EBF1: variants seen among roughly 807,000 people sequenced by gnomAD.
EBF1 encodes transcription factor COE1.
Under a neutral mutation model 68.4 loss-of-function variants are expected in EBF1, and 10 were observed. That is an observed-to-expected ratio of 0.15 (90% CI 0.09 to 0.25). The LOEUF is 0.25. Among genes scored for constraint, EBF1 ranks in the 10% least tolerant of loss-of-function variants. EBF1 has a pLI of 1.00. For missense variants in EBF1, 509 were observed against 794.4 expected, an observed-to-expected ratio of 0.64 and a Z score of 4.32; for synonymous variants, 298 against 299.8, an observed-to-expected ratio of 0.99 and a Z score of 0.06.
At chr5:158,742,880 G>T (rs1414542605) in intron 10 of EBF1, among the ~76,000 whole-genome samples, 1 of 152,152 alleles carries the variant, frequency 6.6e-6, no homozygotes, top group Non-Finnish European at 1.5e-5. Context: ...AATTAAGACA[G>T]GATTCATTTC....
At chr5:158,732,710 CT>C (rs1364010251) in intron 10 of EBF1, among the ~76,000 whole-genome samples, 1 of 152,064 alleles carries the variant, frequency 6.6e-6, no homozygotes, top group Non-Finnish European at 1.5e-5. Context: ...AGAGTAAGTA[CT>C]TTTTCTTCAC....
intron 9 of EBF1, among the ~76,000 whole-genome samples, chr5:158,791,281 T>C (rs1401973679): frequency 1.4e-5 from 2 of 139,978 alleles, no homozygotes; most frequent in African/African-American, 2.7e-5. Context: ...ACCATGCCAC[T>C]GCACTCCAGC....
intron 10 of EBF1, among the ~76,000 whole-genome samples, chr5:158,754,052 T>C (rs1228360864): frequency 6.6e-6 from 1 of 152,104 alleles, no homozygotes; most frequent in Non-Finnish European, 1.5e-5. Flanking sequence ...GAGGCTGGCT[T>C]ATGAAGGTCC....
At chr5:158,707,661 G>A (rs772013284) in intron 15 of EBF1, 57 of 341,870 alleles carry the variant, frequency 1.7e-4, no homozygotes, top group Non-Finnish European at 2.8e-4. Context: ...CACAAGGAGT[G>A]AAAGAGGAGA....
chr5:158,869,599 A>T (rs1401591121), intron 6 of EBF1, among the ~76,000 whole-genome samples: 1 of 151,522 alleles, frequency 6.6e-6, no homozygotes, highest in East Asian at 1.9e-4. Flanking sequence ...ACACACACAC[A>T]CACACACACA....
At chr5:158,871,796 T>C (rs1796916317) in intron 6 of EBF1, among the ~76,000 whole-genome samples, 1 of 152,194 alleles carries the variant, frequency 6.6e-6, no homozygotes, top group Admixed American at 6.5e-5. Flanking sequence ...GCCACAACCT[T>C]CCTCAGACCT....
intron 4 of EBF1, 61 bp from the exon 5 acceptor site, chr5:159,084,800 ATC>A: frequency 7.2e-7 from 1 of 1,388,936 alleles, no homozygotes; most frequent in Non-Finnish European, 9.7e-7. Flanking sequence ...AAAAAAAAAA[ATC>A]ACAATTGAGT....
chr5:158,892,897 TTTTAC>T (rs1801455499), intron 6 of EBF1, among the ~76,000 whole-genome samples: 1 of 136,336 alleles, frequency 7.3e-6, no homozygotes, highest in Admixed American at 7.4e-5. Flanking sequence ...GAAGCGCCCC[TTTTAC>T]TTTGATTTTT....
At chr5:158,781,063 G>A (rs1776365172) in intron 9 of EBF1, among the ~76,000 whole-genome samples, 1 of 152,146 alleles carries the variant, frequency 6.6e-6, no homozygotes, top group Admixed American at 6.5e-5. Context: ...ATTTTCTTAT[G>A]AGACAATAAT....
intron 10 of EBF1, among the ~76,000 whole-genome samples, chr5:158,769,033 C>T (rs879502543): frequency 3.9e-5 from 6 of 152,118 alleles, no homozygotes; most frequent in Non-Finnish European, 7.4e-5. Context: ...GCTTTCTAAT[C>T]CCTTACCAGA....
chr5:158,926,268 A>G (rs1017004276), intron 6 of EBF1, among the ~76,000 whole-genome samples: 13 of 152,208 alleles, frequency 8.5e-5, no homozygotes, highest in African/African-American at 2.9e-4. Context: ...AGCAAATGAT[A>G]GCGCATTTGT....
chr5:158,775,793 C>G (rs868316868), intron 10 of EBF1, among the ~76,000 whole-genome samples: 2,135 of 137,418 alleles, frequency 0.016, 50 homozygotes, highest in African/African-American at 0.059. Flanking sequence ...GACACACACA[C>G]ACACACACAC....
intron 11 of EBF1, among the ~76,000 whole-genome samples, chr5:158,725,155 T>C (rs1762738405): frequency 6.6e-6 from 1 of 152,184 alleles, no homozygotes. Flanking sequence ...GCTACCTCTG[T>C]ATTTCCAAGG....
chr5:159,092,639 A>C lies in EBF1; in HGVS notation c.411+2981T>G, dbSNP rs1407418897. 2.6e-5 allele frequency among the ~76,000 whole-genome samples: 4 copies of C among 152,210 alleles called. No homozygotes were observed. The East Asian group carries it at 7.7e-4, about 29-fold the overall frequency. ...AAATGTAGAATGCAAAAATAGTTTT[A>C]AATTTTGCTTGTCCAAAATTCCTTT... On this transcript the variant is annotated intron_variant, in intron 4 of 15. Transcript: ENST00000313708.
intron 6 of EBF1, among the ~76,000 whole-genome samples, chr5:158,893,307 T>A (rs1801548634): frequency 6.6e-6 from 1 of 152,218 alleles, no homozygotes; most frequent in South Asian, 2.1e-4. Flanking sequence ...ATGGCTGGGA[T>A]TAGGAGTTAA....
intron 8 of EBF1, among the ~76,000 whole-genome samples, chr5:158,815,426 A>T (rs1783518135): frequency 6.6e-6 from 1 of 152,184 alleles, no homozygotes; most frequent in Non-Finnish European, 1.5e-5. Flanking sequence ...ATTATATATC[A>T]TGAGATTTGT....
At position 158,869,612 on chromosome 5, in the gene EBF1, C is replaced by T. The variant is rs1318326878; in HGVS notation, c.555-29502G>A. On this transcript the variant is annotated intron_variant, in intron 6 of 15. Transcript: ENST00000313708. ...ACACACACACACACACACACACACACACACACGTTTTGTTGTTTGTTTTGT... is the reference window on the plus strand; with the variant it reads ...ACACACACACACACACACACACACATACACACGTTTTGTTGTTTGTTTTGT... Among the ~76,000 whole-genome samples, 3 of 133,276 alleles carry T rather than the reference C, an allele frequency of 2.3e-5. No individual in the cohort carries two copies. In the East Asian group the frequency reaches 6.4e-4, roughly 29 times the overall value. The allele number at this position is 133,276 out of a possible 152,430, so 87.4% of individuals were successfully genotyped here.
chr5:158,995,351 A>G (rs1214500774), intron 6 of EBF1, among the ~76,000 whole-genome samples: 1 of 152,162 alleles, frequency 6.6e-6, no homozygotes, highest in African/African-American at 2.4e-5. Flanking sequence ...TGGAATAGTC[A>G]CTGCAGGGGA....
chr5:159,052,459 T>C (rs761898475), intron 6 of EBF1, among the ~76,000 whole-genome samples: 2 of 152,232 alleles, frequency 1.3e-5, no homozygotes, highest in African/African-American at 2.4e-5. Flanking sequence ...AAGTCTGCTC[T>C]GTGGTTACAA....
Sources: allele counts gnomAD v4.1 joint callset (sites outside exome capture counted in the v4.1 genomes callset), GRCh38; gene constraint gnomAD v4.1.1; transcripts MANE v1.5; gene names NCBI Gene and HGNC (gene_info 2026-07-23, HGNC 2026-07-21).